POR: variants seen among roughly 807,000 people sequenced by gnomAD.
POR encodes the protein NADPH--cytochrome P450 reductase.
Under a neutral mutation model 84.0 loss-of-function variants are expected in POR, and 56 were observed. The ratio of observed to expected loss-of-function variants is 0.67; its 90% confidence interval spans 0.54 to 0.83. POR has a LOEUF of 0.83. POR is among the 40% of genes least tolerant of loss of function. The probability of loss-of-function intolerance (pLI) is 0.00; values close to 1 mark genes in which losing one functional copy is unlikely to be tolerated. For missense variants in POR, 938 were observed against 944.3 expected, an observed-to-expected ratio of 0.99 and a Z score of 0.09; for synonymous variants, 414 against 400.5, an observed-to-expected ratio of 1.03 and a Z score of -0.40.
intron 1 of POR, among the ~76,000 whole-genome samples, chr7:75,928,092 C>T (rs984356239): frequency 2.0e-5 from 3 of 151,562 alleles, no homozygotes; most frequent in Admixed American, 2.0e-4. Flanking sequence ...CTGCCTCAGC[C>T]TCCCAAGTAG....
chr7:75,942,266 G>T (rs1326921366), intron 1 of POR, among the ~76,000 whole-genome samples: 1 of 152,122 alleles, frequency 6.6e-6, no homozygotes, highest in Non-Finnish European at 1.5e-5. Flanking sequence ...TTTCATTGGG[G>T]TTCTGAATTA....
At chr7:75,933,159 A>G (rs546170336) in intron 1 of POR, among the ~76,000 whole-genome samples, 13 of 152,192 alleles carry the variant, frequency 8.5e-5, no homozygotes, top group Admixed American at 6.5e-4. Flanking sequence ...TTCACTAAAC[A>G]TGCTTTTAAA....
rs368055989 is a variant in POR, at chr7:75,972,481, T to G, written c.237+20T>G. The G allele has an allele frequency of 6.3e-7, 1 of 1,592,166 alleles. No individual in the cohort carries two copies. ...AAAACGGTGAGTTTCCTGCATGTCT[T>G]TACTCTTCTCAGGAAGCCTCGGCCC... On this transcript the variant is annotated intron_variant, in intron 3 of 15. Coordinates refer to ENST00000461988, the MANE Select transcript of POR (RefSeq NM_000941.3).
intron 1 of POR, among the ~76,000 whole-genome samples, chr7:75,936,980 C>T (rs900524735): frequency 2.6e-5 from 4 of 151,486 alleles, no homozygotes; most frequent in Non-Finnish European, 5.9e-5. Context: ...GCGCCCGCCA[C>T]CACACCCGGC....
chr7:75,984,703 C>A (rs1459341436), intron 10 of POR, 74 bp from the exon 11 acceptor site: 2 of 1,362,946 alleles, frequency 1.5e-6, no homozygotes, highest in Admixed American at 1.7e-5. Flanking sequence ...CAAGGTGTCA[C>A]CCCCTCCTGC....
chr7:75,932,060 G>A (rs966081548), intron 1 of POR, among the ~76,000 whole-genome samples: 3 of 152,230 alleles, frequency 2.0e-5, no homozygotes, highest in Non-Finnish European at 4.4e-5. Context: ...TGAAGAGGAA[G>A]AGCTGCAGAG....
At position 75,951,948 on chromosome 7, in the gene POR, C is replaced by T. The variant is rs555134422; in HGVS notation, c.-4-2041C>T. Among the ~76,000 whole-genome samples, 7 of 152,206 alleles carry T rather than the reference C, an allele frequency of 4.6e-5. No homozygotes were observed. The South Asian group carries it at 1.4e-3, about 32-fold the overall frequency. On this transcript the variant is annotated intron_variant, in intron 1 of 15. Coordinates refer to ENST00000461988, the MANE Select transcript of POR (RefSeq NM_000941.3). ...CCCACCTCCCTCCCGGACGGGGCGG[C>T]TGGCCGGGCGGGGGGCTGACCCCCC...
chr7:75,979,017 G>A (rs577969107), intron 3 of POR, among the ~76,000 whole-genome samples: 147 of 151,968 alleles, frequency 9.7e-4, no homozygotes, highest in Non-Finnish European at 1.6e-3. Flanking sequence ...GGCTGGTCTT[G>A]AACTCCTGAC....
At chr7:75,916,962 A>G (rs1297403378) in intron 1 of POR, among the ~76,000 whole-genome samples, 7 of 152,208 alleles carry the variant, frequency 4.6e-5, no homozygotes, top group African/African-American at 1.7e-4. Flanking sequence ...AAGTCTGTGT[A>G]TGATTAGGAG....
chr7:75,976,708 C>G (rs1335593902), intron 3 of POR, among the ~76,000 whole-genome samples: 2 of 151,874 alleles, frequency 1.3e-5, no homozygotes, highest in African/African-American at 4.8e-5. Context: ...GATCGCACCA[C>G]TGCACTCCAG....
At chr7:75,942,986 C>CT (rs1372999305) in intron 1 of POR, among the ~76,000 whole-genome samples, 1 of 149,096 alleles carries the variant, frequency 6.7e-6, no homozygotes, top group Admixed American at 6.7e-5. Context: ...GAGTCTTGCT[C>CT]TGTCACCCAG....
At chr7:75,984,291 G>T (rs375389779) in intron 10 of POR, among the ~76,000 whole-genome samples, 1 of 152,146 alleles carries the variant, frequency 6.6e-6, no homozygotes, top group Non-Finnish European at 1.5e-5. Flanking sequence ...TAGCCATTAC[G>T]CGGGGCTGCC....
At chr7:75,955,458 T>C (rs1326369350) in intron 2 of POR, among the ~76,000 whole-genome samples, 5 of 152,152 alleles carry the variant, frequency 3.3e-5, no homozygotes, top group Non-Finnish European at 7.3e-5. Flanking sequence ...GCGGCCAGAA[T>C]TACTTCCTGC....
At chr7:75,947,266 T>G (rs1787213050) in intron 1 of POR, 1 of 151,428 alleles carries the variant, frequency 6.6e-6, no homozygotes, top group Admixed American at 6.6e-5. Context: ...GCCCAATGTG[T>G]GTTTTATTTG....
intron 3 of POR, chr7:75,972,672 T>C: frequency 1.6e-6 from 1 of 639,582 alleles, no homozygotes; most frequent in Middle Eastern, 4.1e-4. Context: ...TCCTTGAATC[T>C]TTACTTTTTG....
intron 2 of POR, chr7:75,968,325 G>A (rs1371598460): frequency 1.1e-5 from 5 of 466,076 alleles, no homozygotes; most frequent in African/African-American, 1.0e-4. Context: ...GAGGGACTCA[G>A]CCAGGCCTAG....
intron 1 of POR, among the ~76,000 whole-genome samples, chr7:75,938,053 AT>A (rs1375460127): frequency 1.3e-5 from 2 of 152,008 alleles, no homozygotes; most frequent in African/African-American, 2.4e-5. Flanking sequence ...GGTCAGTTCG[AT>A]TTGTGCTGAG....
At chr7:75,926,846 TG>T (rs1390247866) in intron 1 of POR, among the ~76,000 whole-genome samples, 1 of 152,134 alleles carries the variant, frequency 6.6e-6, no homozygotes, top group Non-Finnish European at 1.5e-5. Flanking sequence ...CAAAGTCTGA[TG>T]AGCACCAGGG....
chr7:75,917,313 C>T (rs1806617163), intron 1 of POR, among the ~76,000 whole-genome samples: 1 of 151,620 alleles, frequency 6.6e-6, no homozygotes, highest in African/African-American at 2.4e-5. Flanking sequence ...AGTGGTCCTC[C>T]TGCTTTGACC....
Sources: gnomAD v4.1 joint callset for allele counts (sites outside exome capture counted in the v4.1 genomes callset) on GRCh38, gnomAD v4.1.1 for gene constraint, MANE v1.5 for transcripts, NCBI Gene and HGNC (gene_info 2026-07-23, HGNC 2026-07-21) for gene names.